LRRC4B: variants seen among roughly 807,000 people sequenced by gnomAD.
The protein encoded by LRRC4B is leucine rich repeat containing 4B.
A neutral mutation model predicts 7.3 loss-of-function variants in LRRC4B; 1 was observed. The observed-to-expected ratio is 0.14, with a 90% confidence interval of 0.05 to 0.65. The LOEUF is 0.65. LRRC4B is among the 30% of genes least tolerant of loss of function. LRRC4B has a pLI of 0.84. For missense variants in LRRC4B, 730 were observed against 1,041.6 expected (o/e 0.70, Z 4.12); for synonymous variants, 500 against 499.2 (o/e 1.00, Z -0.02).
intron 2 of LRRC4B, among the ~76,000 whole-genome samples, chr19:50,520,445 C>T (rs112000876): frequency 0.15 from 22,806 of 150,672 alleles, 2,622 homozygotes; most frequent in African/African-American, 0.33. Context: ...GCCTGGCCAA[C>T]ATGGTGAAAC....
At chr19:50,552,884 C>A (rs1982150007) in intron 1 of LRRC4B, among the ~76,000 whole-genome samples, 1 of 152,218 alleles carries the variant, frequency 6.6e-6, no homozygotes, top group Non-Finnish European at 1.5e-5. Flanking sequence ...ACAAAAGGCA[C>A]CTCTCGAGAG....
chr19:50,527,931 C>T (rs981821613), intron 2 of LRRC4B, among the ~76,000 whole-genome samples: 4 of 151,146 alleles, frequency 2.6e-5, no homozygotes, highest in African/African-American at 7.3e-5. Context: ...TTAGTAGAGA[C>T]GGGGTTTCAC....
intron 1 of LRRC4B, among the ~76,000 whole-genome samples, chr19:50,565,486 T>G (rs983253617): frequency 1.3e-5 from 2 of 151,950 alleles, no homozygotes; most frequent in Non-Finnish European, 2.9e-5. Flanking sequence ...TCTGGTTCCA[T>G]ATCGGGGTCT....
chr19:50,549,935 G>A (rs1256668530), intron 1 of LRRC4B, among the ~76,000 whole-genome samples: 2 of 152,120 alleles, frequency 1.3e-5, no homozygotes, highest in African/African-American at 2.4e-5. Flanking sequence ...GCGGGGACTC[G>A]GGCCCTCTGA....
At position 50,553,991 on chromosome 19, in the gene LRRC4B, C is replaced by CTTTTTT. The variant is rs3058937; in HGVS notation, c.-35-5124_-35-5119dup. 1.8e-5 allele frequency among the ~76,000 whole-genome samples: 2 copies of CTTTTTT among 111,788 alleles called. No homozygotes were observed. Among genetic ancestry groups the CTTTTTT allele is most frequent in the Admixed American group, 9.8e-5 (1 of 10,218 alleles). 73.3% of individuals were successfully genotyped at this position (111,788 alleles called of 152,430 possible). On this transcript the variant is annotated intron_variant, in intron 1 of 2. Transcript: ENST00000652263. This position sits in a 1 kb window ranked among gnomAD's most constrained non-coding sequence, Gnocchi z 4.2. ...GGAGGCCTGCTGGCAGAGGCAGCAC[C>CTTTTTT]TTTTTTTTTTTTTTTTTTTTGAGAC... is the stretch of plus-strand genomic sequence containing the variant.
At chr19:50,549,859 G>A (rs528256799) in intron 1 of LRRC4B, among the ~76,000 whole-genome samples, 60 of 152,314 alleles carry the variant, frequency 3.9e-4, no homozygotes, top group African/African-American at 1.3e-3. Context: ...CTTGGTTCTC[G>A]GGGAGGGGAT....
intron 2 of LRRC4B, among the ~76,000 whole-genome samples, chr19:50,536,692 G>A (rs557387714): frequency 6.6e-6 from 1 of 152,292 alleles, no homozygotes; most frequent in East Asian, 1.9e-4. Flanking sequence ...ACGAGACCAC[G>A]GCATCCTTGT....
At chr19:50,540,775 C>T (rs764584455) in intron 2 of LRRC4B, among the ~76,000 whole-genome samples, 1 of 151,832 alleles carries the variant, frequency 6.6e-6, no homozygotes, top group Admixed American at 6.6e-5. Flanking sequence ...CCCATCACCC[C>T]CAGATGGGAC....
chr19:50,551,966 C>A (rs1982086698), intron 1 of LRRC4B, among the ~76,000 whole-genome samples: 1 of 151,998 alleles, frequency 6.6e-6, no homozygotes, highest in Non-Finnish European at 1.5e-5. Context: ...AGGCCTCCCC[C>A]TCCCCCGCTA....
intron 2 of LRRC4B, among the ~76,000 whole-genome samples, chr19:50,529,423 A>G (rs1454560192): frequency 2.0e-5 from 3 of 152,188 alleles, no homozygotes; most frequent in Admixed American, 6.6e-5. Context: ...TCTATTAATA[A>G]TAATAACATC....
chr19:50,538,401 A>G (rs1165560000), intron 2 of LRRC4B, among the ~76,000 whole-genome samples: 1 of 152,014 alleles, frequency 6.6e-6, no homozygotes, highest in Non-Finnish European at 1.5e-5. Context: ...CTAACTGGGA[A>G]AAGTCTGTCC....
At chr19:50,551,129 C>G (rs1034405257) in intron 1 of LRRC4B, 1 of 151,572 alleles carries the variant, frequency 6.6e-6, no homozygotes, top group Non-Finnish European at 1.5e-5. Flanking sequence ...CCCTTCCCCC[C>G]GCCGCCCTCC....
At chr19:50,545,991 TGGGATTACA>T (rs985227037) in intron 2 of LRRC4B, among the ~76,000 whole-genome samples, 29 of 151,704 alleles carry the variant, frequency 1.9e-4, no homozygotes, top group African/African-American at 7.0e-4. Flanking sequence ...CCCAAAGTGC[TGGGATTACA>T]GGCATGAGTC....
At chr19:50,552,094 G>C (rs1054983100) in intron 1 of LRRC4B, among the ~76,000 whole-genome samples, 1 of 152,130 alleles carries the variant, frequency 6.6e-6, no homozygotes, top group South Asian at 2.1e-4. Flanking sequence ...AGAAAGGGGG[G>C]TGGTTGGGCC....
At chr19:50,533,288 T>C (rs996239970) in intron 2 of LRRC4B, among the ~76,000 whole-genome samples, 3 of 152,214 alleles carry the variant, frequency 2.0e-5, no homozygotes, top group African/African-American at 7.2e-5. Flanking sequence ...GAATTTCTTA[T>C]GATTCCATTT....
intron 1 of LRRC4B, among the ~76,000 whole-genome samples, chr19:50,554,471 C>T (rs1982204954): frequency 1.3e-5 from 2 of 152,184 alleles, no homozygotes; most frequent in South Asian, 4.1e-4. Context: ...AGCTACCACT[C>T]TGCCCAAACC....
rs74334979 is a variant in LRRC4B, at chr19:50,533,791, A to G, written c.298-14376T>C. On this transcript the variant is annotated intron_variant, in intron 2 of 2. Coordinates refer to ENST00000652263, the MANE Select transcript of LRRC4B (RefSeq NM_001080457.2). Reference sequence around the variant, plus strand: ...CTGTCACATGGGGGTTATCAAGCACATACCCCTGCTCCCTTCATATCTGGT... The same window carrying G: ...CTGTCACATGGGGGTTATCAAGCACGTACCCCTGCTCCCTTCATATCTGGT... Among the ~76,000 whole-genome samples the G allele has an allele frequency of 6.4e-3, 974 of 152,342 alleles. 37 individuals are homozygous for G. In the East Asian group the frequency reaches 0.12, roughly 18 times the overall value.
intron 2 of LRRC4B, among the ~76,000 whole-genome samples, chr19:50,536,137 CTTTT>C (rs36120704): frequency 0.083 from 11,977 of 144,962 alleles, 1,569 homozygotes; most frequent in African/African-American, 0.28. Context: ...GTTTACCTTC[CTTTT>C]TTTTTTTTTT....
Position 50,545,915 on chromosome 19 carries a change from G to C in LRRC4B, c.297+2627C>G, listed in dbSNP as rs188501420. On this transcript the variant is annotated intron_variant, in intron 2 of 2. Coordinates refer to ENST00000652263, the MANE Select transcript of LRRC4B (RefSeq NM_001080457.2). Reference sequence around the variant, plus strand: ...ATTTTTGGTTTTTTAGTGGAGATGGGGATTTGCTGTGTGGCTCAGGCTGGT... The same window carrying C: ...ATTTTTGGTTTTTTAGTGGAGATGGCGATTTGCTGTGTGGCTCAGGCTGGT... 3.4e-4 allele frequency among the ~76,000 whole-genome samples: 51 copies of C among 151,752 alleles called. No individual in the cohort carries two copies. The East Asian group carries it at 7.1e-3, about 21-fold the overall frequency.
Sources: gnomAD v4.1 joint callset for allele counts (sites outside exome capture counted in the v4.1 genomes callset) on GRCh38, gnomAD v4.1.1 for gene constraint, Gnocchi (gnomAD v3.1) non-coding constraint, MANE v1.5 for transcripts, NCBI Gene and HGNC (gene_info 2026-07-23, HGNC 2026-07-21) for gene names.